Variants in USP44 observed in about 807,000 individuals in gnomAD.
The protein encoded by USP44 is ubiquitin specific peptidase 44.
In USP44, 61 loss-of-function variants were observed where a neutral mutation model predicts 69.0. The ratio of observed to expected loss-of-function variants is 0.88; its 90% confidence interval spans 0.72 to 1.09. The LOEUF (loss-of-function observed/expected upper bound fraction) is 1.09, where lower values mean the gene tolerates loss of function less well. USP44 is among the 50% of genes least tolerant of loss of function. USP44 has a pLI of 0.00. For synonymous variants in USP44, 297 were observed against 295.4 expected (o/e 1.01, Z -0.06); for missense variants, 753 against 849.9 (o/e 0.89, Z 1.42).
intron 2 of USP44, among the ~76,000 whole-genome samples, chr12:95,532,198 C>T (rs1326283946): frequency 2.9e-5 from 4 of 135,672 alleles, no homozygotes; most frequent in East Asian, 2.3e-4. Flanking sequence ...GACGGAGTCT[C>T]GCTCTGTCAC....
rs571620413 is a variant in USP44, at chr12:95,537,456, T to C, written c.-70-3130A>G. On this transcript the variant is annotated intron_variant, in intron 1 of 5. Coordinates refer to ENST00000258499, the MANE Select transcript of USP44 (RefSeq NM_032147.5). ...GCCTTAGCCTCCCGAGTAGCTGGGATTACAGGCACACGTCACCATGTCCAG... is the reference window on the plus strand; with the variant it reads ...GCCTTAGCCTCCCGAGTAGCTGGGACTACAGGCACACGTCACCATGTCCAG... Among the ~76,000 whole-genome samples the C allele has an allele frequency of 1.7e-4, 26 of 152,184 alleles. 1 individual carries two copies. The highest frequency in any genetic ancestry group is 3.4e-3 in the Middle Eastern group (1 of 294).
intron 2 of USP44, among the ~76,000 whole-genome samples, chr12:95,530,396 G>C (rs1274456732): frequency 6.6e-6 from 1 of 152,064 alleles, no homozygotes; most frequent in African/African-American, 2.4e-5. Flanking sequence ...CAAAGCGGGA[G>C]GGCTGCTTGA....
chr12:95,543,423 A>AAAAAAG (rs1280929528), intron 1 of USP44, among the ~76,000 whole-genome samples: 6 of 150,408 alleles, frequency 4.0e-5, no homozygotes, highest in South Asian at 2.1e-4. Flanking sequence ...AAAAAAAAAA[A>AAAAAAG]AAAAAGAAAA....
At chr12:95,518,840 G>T (rs750156647) in intron 5 of USP44, among the ~76,000 whole-genome samples, 15 of 152,238 alleles carry the variant, frequency 9.9e-5, no homozygotes, top group Middle Eastern at 6.8e-3. Context: ...TCAGGAGGCT[G>T]AAGCAAGAGA....
At position 95,548,227 on chromosome 12, in the gene USP44, C is replaced by T. The variant is rs2077636960; in HGVS notation, c.-71+3045G>A. The T allele has an allele frequency of 6.6e-6, 1 of 152,210 alleles. No homozygotes were observed. Among genetic ancestry groups the T allele is most frequent in the Non-Finnish European group, 1.5e-5 (1 of 68,076 alleles). 9.4% of individuals were successfully genotyped at this position (152,210 alleles called of 1,614,324 possible). On this transcript the variant is annotated intron_variant, in intron 1 of 5. Coordinates refer to ENST00000258499, the MANE Select transcript of USP44 (RefSeq NM_032147.5). The surrounding 1 kb of genome is among the most constrained non-coding windows in gnomAD (Gnocchi z 4.1). The stretch of plus-strand genomic sequence containing the variant: ...CCTCCTCAACCGAGTGCCACAACCG[C>T]CCTCCCGAAGTGCCCCGGGGCTTCG...
intron 1 of USP44, among the ~76,000 whole-genome samples, chr12:95,541,131 T>A (rs1254238061): frequency 1.3e-5 from 2 of 152,044 alleles, no homozygotes; most frequent in African/African-American, 4.8e-5. Context: ...TACAAAAAAT[T>A]AGCCGGGCAT....
chr12:95,522,707 C>G (rs301002), intron 4 of USP44, among the ~76,000 whole-genome samples: 11,906 of 147,272 alleles, frequency 0.081, 650 homozygotes, highest in Non-Finnish European at 0.12. Context: ...GAACCCGGGA[C>G]GCAGAGGTTG....
chr12:95,520,154 G>C (rs916036807), intron 5 of USP44, among the ~76,000 whole-genome samples: 5 of 151,360 alleles, frequency 3.3e-5, no homozygotes, highest in Non-Finnish European at 1.5e-5. Context: ...GTTGGGTGGG[G>C]GTGGGGAGTT....
At chr12:95,538,236 T>C (rs895359082) in intron 1 of USP44, among the ~76,000 whole-genome samples, 15 of 152,306 alleles carry the variant, frequency 9.8e-5, no homozygotes, top group African/African-American at 3.6e-4. Flanking sequence ...ACGTGCTACA[T>C]ACCTCAGTTT....
intron 5 of USP44, 133 bp downstream of exon 5, chr12:95,520,863 GA>G: frequency 1.3e-6 from 1 of 750,802 alleles, no homozygotes; most frequent in Non-Finnish European, 2.2e-6. Context: ...AGTACCTGCA[GA>G]GGCATTCTCC....
intron 3 of USP44, among the ~76,000 whole-genome samples, chr12:95,525,894 C>A (rs1303961500): frequency 6.6e-6 from 1 of 152,186 alleles, no homozygotes; most frequent in African/African-American, 2.4e-5. Flanking sequence ...CAGGCTCAGT[C>A]CACCATGAAG....
rs1202582091 is a variant in USP44, at chr12:95,521,162, C to G, written c.1774G>C (p.Val592Leu). Reference sequence around the variant, plus strand: ...ATGTTTAAGATTTCCTCAAAGCCAACATGAACACCAATCTTCTCTCGGTTA... The same window carrying G: ...ATGTTTAAGATTTCCTCAAAGCCAAGATGAACACCAATCTTCTCTCGGTTA... ...RNNREKIGVH[V>L]GFEEILNMEP... The change falls in exon 5 of 6, where the codon GTT becomes CTT. Residue 592 changes from valine to leucine, a missense_variant. Coordinates refer to ENST00000258499, the MANE Select transcript of USP44 (RefSeq NM_032147.5). 1 of 1,614,200 alleles carries G rather than the reference C, an allele frequency of 6.2e-7. No individual in the cohort carries two copies. The highest frequency in any genetic ancestry group is 1.1e-5 in the South Asian group (1 of 91,076).
intron 1 of USP44, among the ~76,000 whole-genome samples, chr12:95,547,549 T>C (rs906909857): frequency 6.6e-6 from 1 of 152,264 alleles, no homozygotes; most frequent in African/African-American, 2.4e-5. Flanking sequence ...TTAACTTCTA[T>C]TTGGCTTTCC....
At chr12:95,518,969 C>T (rs1374214188) in intron 5 of USP44, among the ~76,000 whole-genome samples, 1 of 151,818 alleles carries the variant, frequency 6.6e-6, no homozygotes. Flanking sequence ...ACTTTTTGTG[C>T]CAACATGATG....
In USP44 at chr12:95,535,646, TA is replaced by T. The variant is rs553412396; in HGVS notation, c.-70-1321del. Among the ~76,000 whole-genome samples, 494 of 152,336 alleles carry T rather than the reference TA, an allele frequency of 3.2e-3. 2 individuals are homozygous for T. Among genetic ancestry groups the T allele is most frequent in the African/African-American group, 0.011 (472 of 41,580 alleles). On this transcript the variant is annotated intron_variant, in intron 1 of 5. Coordinates refer to ENST00000258499, the MANE Select transcript of USP44 (RefSeq NM_032147.5). ...ACACAGAACTTGTTCCTTTATCAGT[TA>T]AAGTCAGGAACACTTCTGCTGTAAG...
Position 95,533,090 on chromosome 12 carries a change from G to C in USP44, c.1167C>G (p.Phe389Leu), listed in dbSNP as rs1012920631. The change falls in exon 2 of 6, where the codon TTC (phenylalanine) becomes TTG (leucine). Residue 389 changes from phenylalanine to leucine, a missense_variant. Physicochemically the swap from Phe to Leu is conservative, Grantham distance 22 (BLOSUM62 0). Transcript: ENST00000258499. Reference sequence around the variant, plus strand: ...CCCACTTTCCAGACCACATGACTTGGAACAAAGTATGCAATTCATGACAAA... The same window carrying C: ...CCCACTTTCCAGACCACATGACTTGCAACAAAGTATGCAATTCATGACAAA... Reference protein sequence around the residue: ...ISLCHELHTLFQVMWSGKWAL... With the variant: ...ISLCHELHTLLQVMWSGKWAL... The C allele has an allele frequency of 1.9e-6, 3 of 1,614,188 alleles. No homozygotes were observed. Among genetic ancestry groups the C allele is most frequent in the Non-Finnish European group, 2.5e-6 (3 of 1,180,046 alleles).
At position 95,548,111 on chromosome 12, in the gene USP44, G is replaced by A. The variant is rs1435716974; in HGVS notation, c.-71+3161C>T. ...AGGCCATCGGGAATGGCTTTAGGAA[G>A]CTGATTTTCAAGCTTTAAGCGGCAG... On this transcript the variant is annotated intron_variant, in intron 1 of 5. Coordinates refer to ENST00000258499, the MANE Select transcript of USP44 (RefSeq NM_032147.5). This position sits in a 1 kb window ranked among gnomAD's most constrained non-coding sequence, Gnocchi z 4.1. 1.3e-5 allele frequency: 2 copies of A among 152,232 alleles called. No individual in the cohort carries two copies. The highest frequency in any genetic ancestry group is 1.3e-4 in the Admixed American group (2 of 15,280). The allele number at this position is 152,232 out of a possible 1,614,324, so 9.4% of individuals were successfully genotyped here.
intron 1 of USP44, among the ~76,000 whole-genome samples, chr12:95,539,703 T>C (rs542168160): frequency 1.3e-5 from 2 of 152,340 alleles, no homozygotes; most frequent in South Asian, 4.1e-4. Context: ...TGACTGAGCA[T>C]GCATTTTAAA....
At chr12:95,537,806 G>T (rs1385907369) in intron 1 of USP44, among the ~76,000 whole-genome samples, 1 of 152,100 alleles carries the variant, frequency 6.6e-6, no homozygotes, top group Admixed American at 6.6e-5. Flanking sequence ...GAAAATTACT[G>T]TACTTTCTTT....
Sources: gnomAD v4.1 joint callset for allele counts (sites outside exome capture counted in the v4.1 genomes callset) on GRCh38, gnomAD v4.1.1 for gene constraint, Gnocchi (gnomAD v3.1) non-coding constraint, MANE v1.5 for transcripts, NCBI Gene and HGNC (gene_info 2026-07-23, HGNC 2026-07-21) for gene names.